Variants in NEMF observed in about 807,000 individuals in gnomAD.
The protein encoded by NEMF is nuclear export mediator factor.
Under a neutral mutation model 162.2 loss-of-function variants are expected in NEMF, and 89 were observed. The ratio of observed to expected loss-of-function variants is 0.55; its 90% CI spans 0.46 to 0.65. The LOEUF (loss-of-function observed/expected upper bound fraction) is 0.65. Among genes scored for constraint, NEMF ranks in the 30% least tolerant of loss-of-function variants. The probability of loss-of-function intolerance (pLI) is 0.00; values close to 1 mark genes in which losing one functional copy is unlikely to be tolerated. For synonymous variants in NEMF, 421 were observed against 404.5 expected (o/e 1.04, Z -0.49); for missense variants, 1,133 against 1,261.9 (o/e 0.90, Z 1.55).
rs750460997 is a variant in NEMF, at chr14:49,852,682, TA to T, written c.59+12del. The T allele has an allele frequency of 1.9e-6, 3 of 1,614,008 alleles. No homozygotes were observed. The East Asian group carries it at 6.7e-5, about 36-fold the overall frequency. On this transcript the variant is annotated intron_variant, in intron 1 of 32. Coordinates refer to ENST00000298310, the MANE Select transcript of NEMF (RefSeq NM_004713.6). ...CACTCCCCACACGAGCCTCGTCACT[TA>T]GGGTACTGTACCTAGCATTCAGCTC...
At chr14:49,838,567 C>A (rs1043850309) in intron 5 of NEMF, among the ~76,000 whole-genome samples, 1 of 149,546 alleles carries the variant, frequency 6.7e-6, no homozygotes, top group Non-Finnish European at 1.5e-5. Flanking sequence ...AAGCATCGAA[C>A]AACTTTTTTT....
chr14:49,810,327 A>G (rs1432994653), intron 18 of NEMF, among the ~76,000 whole-genome samples: 2 of 152,166 alleles, frequency 1.3e-5, no homozygotes, highest in Non-Finnish European at 2.9e-5. Flanking sequence ...AGATCACACC[A>G]CTGCACTCCA....
rs140090434 is a variant in NEMF at position 49,847,196 on chromosome 14, T to C, written c.232-931A>G. Among the ~76,000 whole-genome samples, 462 of 151,122 alleles carry C rather than the reference T, an allele frequency of 3.1e-3. 4 individuals are homozygous for C. The highest frequency in any genetic ancestry group is 0.024 in the Middle Eastern group (7 of 292). ...ACTGTGCCCAGCCAACCTTTACTTA[T>C]TTATTTATTTATTTATTTATTTGGA... On this transcript the variant is annotated intron_variant, in intron 3 of 32. Coordinates refer to ENST00000298310, the MANE Select transcript of NEMF (RefSeq NM_004713.6).
At chr14:49,796,457 G>C in intron 25 of NEMF, 1 of 335,516 alleles carries the variant, frequency 3.0e-6, no homozygotes. Flanking sequence ...ACTTCCTCCA[G>C]AGTCTACATA....
chr14:49,826,801 TG>T (rs1279484429), intron 15 of NEMF, among the ~76,000 whole-genome samples: 1 of 152,044 alleles, frequency 6.6e-6, no homozygotes, highest in Non-Finnish European at 1.5e-5. Flanking sequence ...TATGTTGGGC[TG>T]GGGGGAGTGT....
Position 49,828,286 on chromosome 14 carries a change from A to G in NEMF, c.1488+5T>C. The G allele has an allele frequency of 6.3e-7, 1 of 1,589,464 alleles. No homozygotes were observed. Among genetic ancestry groups the G allele is most frequent in the Non-Finnish European group, 8.6e-7 (1 of 1,158,116 alleles). On this transcript the variant is annotated splice_donor_5th_base_variant and intron_variant, in intron 15 of 32. Coordinates refer to ENST00000298310, the MANE Select transcript of NEMF (RefSeq NM_004713.6). ...CTAACATTCACTCTAAGAAATACTCAGTACCTTCTCAGCAGCTTCAACAGT... is the reference window on the plus strand; with the variant it reads ...CTAACATTCACTCTAAGAAATACTCGGTACCTTCTCAGCAGCTTCAACAGT...
chr14:49,787,682 A>G (rs1890241262), intron 28 of NEMF, among the ~76,000 whole-genome samples: 1 of 152,206 alleles, frequency 6.6e-6, no homozygotes, highest in Non-Finnish European at 1.5e-5. Flanking sequence ...GGGGGATATT[A>G]ACATTTAGAC....
intron 25 of NEMF, among the ~76,000 whole-genome samples, chr14:49,796,614 G>A (rs980377030): frequency 3.3e-5 from 5 of 152,180 alleles, no homozygotes; most frequent in African/African-American, 9.7e-5. Flanking sequence ...GCCTCCCAAA[G>A]TGCTGGGATT....
chr14:49,819,262 G>C (rs1891873176), intron 16 of NEMF, among the ~76,000 whole-genome samples: 1 of 152,038 alleles, frequency 6.6e-6, no homozygotes, highest in Non-Finnish European at 1.5e-5. Context: ...AATTTGCTGA[G>C]AGTATATTTT....
Position 49,785,116 on chromosome 14 carries a change from G to A in NEMF, c.3049C>T (p.Pro1017Ser). ...CCTTTTCCCTTTTTCTGCACTCCAG[G>A]AGTAAGTTTCACTTTATATCTTTAA... ...TNYKYKVKLT[P>S]GVQKKGKAAK... The change falls in exon 31 of 33, where the codon CCT becomes TCT. Residue 1017 changes from proline (P) to serine (S), a missense_variant. Pro to Ser is a moderately conservative substitution (Grantham distance 74, BLOSUM62 -1). Transcript: ENST00000298310. The A allele has an allele frequency of 6.2e-7, 1 of 1,605,838 alleles. No individual in the cohort carries two copies. The highest frequency in any genetic ancestry group is 1.1e-5 in the South Asian group (1 of 90,888).
At chr14:49,799,607 T>A in intron 24 of NEMF, 29 bp downstream of exon 24, 1 of 1,601,690 alleles carries the variant, frequency 6.2e-7, no homozygotes, top group Non-Finnish European at 8.5e-7. Context: ...GAGAATCGGA[T>A]GTTCTTCATA....
intron 3 of NEMF, among the ~76,000 whole-genome samples, chr14:49,849,127 G>T (rs1740908493): frequency 6.6e-6 from 1 of 152,108 alleles, no homozygotes; most frequent in Non-Finnish European, 1.5e-5. Flanking sequence ...GTAGTTTTAA[G>T]AATGACCTAT....
At chr14:49,842,315 C>A (rs572807684) in intron 4 of NEMF, among the ~76,000 whole-genome samples, 171 of 152,064 alleles carry the variant, frequency 1.1e-3, no homozygotes, top group African/African-American at 4.0e-3. Flanking sequence ...AAAGTTATAT[C>A]CTAGAAAATG....
chr14:49,843,636 G>A (rs1283969509), intron 4 of NEMF, among the ~76,000 whole-genome samples: 1 of 152,250 alleles, frequency 6.6e-6, no homozygotes, highest in African/African-American at 2.4e-5. Flanking sequence ...AACCTAGACG[G>A]TGTAGCCTAA....
chr14:49,833,394 C>T (rs780912167), intron 8 of NEMF, 29 bp downstream of exon 8: 1 of 1,376,418 alleles, frequency 7.3e-7, no homozygotes, highest in East Asian at 2.3e-5. Flanking sequence ...TAAATCACAA[C>T]AATATATAGT....
At chr14:49,812,993 T>G (rs1891549134) in intron 18 of NEMF, among the ~76,000 whole-genome samples, 1 of 152,118 alleles carries the variant, frequency 6.6e-6, no homozygotes, top group Non-Finnish European at 1.5e-5. Flanking sequence ...GCCAGGTTGG[T>G]CTCAACCTCC....
chr14:49,782,744 G>GAA lies in NEMF; in HGVS notation c.*1891_*1892insTT, dbSNP rs1352213724. On this transcript the variant is annotated 3_prime_UTR_variant, in exon 33 of 33. Transcript: ENST00000298310. ...CTATGAAAATCTTTGAAGAAAGAAA[G>GAA]AGGGATGTTTTATGTAGTTTTTCAA... 1.4e-6 allele frequency: 2 copies of GAA among 1,478,578 alleles called. No individual in the cohort carries two copies. The highest frequency in any genetic ancestry group is 1.4e-5 in the African/African-American group (1 of 71,068). 91.6% of individuals were successfully genotyped at this position (1,478,578 alleles called of 1,614,324 possible).
intron 29 of NEMF, chr14:49,785,765 G>C: frequency 5.9e-6 from 1 of 168,548 alleles, no homozygotes; most frequent in South Asian, 1.4e-4. Context: ...GGTGCCTGTA[G>C]TCCCAGCTAC....
intron 3 of NEMF, among the ~76,000 whole-genome samples, chr14:49,850,147 G>C (rs1444428357): frequency 6.6e-6 from 1 of 152,098 alleles, no homozygotes; most frequent in African/African-American, 2.4e-5. Context: ...CTGTCGCCCA[G>C]GCTGGAGTGA....
Sources: allele counts gnomAD v4.1 joint callset (sites outside exome capture counted in the v4.1 genomes callset), GRCh38; gene constraint gnomAD v4.1.1; transcripts MANE v1.5; gene names NCBI Gene and HGNC (gene_info 2026-07-23, HGNC 2026-07-21).